Variants in DOP1B observed in about 807,000 individuals in gnomAD.
The protein encoded by DOP1B is protein DOP1B.
A neutral mutation model predicts 233.5 loss-of-function variants in DOP1B; 174 were observed. That is an observed-to-expected ratio of 0.75 (90% CI 0.66 to 0.85). The LOEUF (loss-of-function observed/expected upper bound fraction) is 0.85. DOP1B is among the 40% of genes least tolerant of loss of function. The probability of loss-of-function intolerance (pLI) is 0.00; values close to 1 mark genes in which losing one functional copy is unlikely to be tolerated. For missense variants in DOP1B, 2,652 were observed against 2,846.6 expected (o/e 0.93, Z 1.56); for synonymous variants, 1,190 against 1,185.6 (o/e 1.00, Z -0.08).
Position 36,171,917 on chromosome 21 carries a change from A to T in DOP1B, c.138+7046A>T, listed in dbSNP as rs2065974734. On this transcript the variant is annotated intron_variant, in intron 2 of 36. Transcript: ENST00000691173. ...GCTTTCTTGGCGAGAGACAGACGAC[A>T]GATGACTGTGTGATGTCAGATGCTG... Among the ~76,000 whole-genome samples the T allele has an allele frequency of 1.3e-5, 2 of 152,246 alleles. 1 individual carries two copies. The highest frequency in any genetic ancestry group is 4.1e-4 in the South Asian group (2 of 4,834).
Position 36,156,883 on chromosome 21 carries a change from C to A in DOP1B, c.-87C>A, listed in dbSNP as rs2065824334. 1 of 152,330 alleles carries A rather than the reference C, an allele frequency of 6.6e-6. No homozygotes were observed. The highest frequency in any genetic ancestry group is 2.0e-4 in the South Asian group (1 of 4,882). 9.4% of individuals were successfully genotyped at this position (152,330 alleles called of 1,614,324 possible). ...GCAGCCCTGCCCAGTCTCTCTCCCC[C>A]AGCCCGGAGGGCTCCTCCGCGCCGC... On this transcript the variant is annotated 5_prime_UTR_variant, in exon 1 of 37. Transcript: ENST00000691173.
intron 4 of DOP1B, among the ~76,000 whole-genome samples, chr21:36,206,089 A>C (rs181157298): frequency 6.6e-6 from 1 of 152,040 alleles, no homozygotes; most frequent in East Asian, 1.9e-4. Context: ...GATCATAGTA[A>C]CTCTTGTTGA....
chr21:36,212,420 T>C (rs569432957), intron 7 of DOP1B, among the ~76,000 whole-genome samples: 1 of 152,348 alleles, frequency 6.6e-6, no homozygotes, highest in African/African-American at 2.4e-5. Flanking sequence ...TATGGAGAAG[T>C]TCCATGGGAT....
At chr21:36,159,800 T>C (rs532142102) in intron 1 of DOP1B, among the ~76,000 whole-genome samples, 4 of 152,210 alleles carry the variant, frequency 2.6e-5, no homozygotes, top group Admixed American at 2.6e-4. Context: ...CCCACACCTC[T>C]GGACTTTGAG....
At chr21:36,190,505 C>T (rs974121742) in intron 2 of DOP1B, among the ~76,000 whole-genome samples, 1 of 151,838 alleles carries the variant, frequency 6.6e-6, no homozygotes, top group Non-Finnish European at 1.5e-5. Flanking sequence ...TCAAGTGATC[C>T]TCCCACCTCA....
chr21:36,266,423 C>T (rs1429094736), intron 26 of DOP1B, among the ~76,000 whole-genome samples: 8 of 152,176 alleles, frequency 5.3e-5, no homozygotes, highest in Non-Finnish European at 1.2e-4. Context: ...ATCCAGCCGC[C>T]TCAGCCTCCC....
intron 32 of DOP1B, among the ~76,000 whole-genome samples, chr21:36,283,387 A>G (rs1387648236): frequency 6.6e-6 from 1 of 151,810 alleles, no homozygotes; most frequent in East Asian, 1.9e-4. Context: ...CCAGCCGGAA[A>G]GATCTTGTTT....
Position 36,222,541 on chromosome 21 carries a change from G to T in DOP1B, c.1251-690G>T, listed in dbSNP as rs377269466. 3.2e-3 allele frequency among the ~76,000 whole-genome samples: 482 copies of T among 150,724 alleles called. 3 individuals are homozygous for T. Among genetic ancestry groups the T allele is most frequent in the African/African-American group, 0.011 (460 of 41,138 alleles). On this transcript the variant is annotated intron_variant, in intron 10 of 36. Coordinates refer to ENST00000691173, the MANE Select transcript of DOP1B (RefSeq NM_001320714.2). ...GCAGAGATTGCAGTGAGCCGAGATT[G>T]TACCACTGCACTCCAGCCTAGGAAA... is the stretch of plus-strand genomic sequence containing the variant.
intron 13 of DOP1B, among the ~76,000 whole-genome samples, 172 bp from the exon 14 acceptor site, chr21:36,230,275 CCTT>C (rs1248698248): frequency 5.9e-5 from 9 of 152,214 alleles, no homozygotes; most frequent in Non-Finnish European, 1.2e-4. Context: ...CCACCGCTCT[CCTT>C]CTCCTGCTTT....
chr21:36,227,884 A>G lies in DOP1B; in HGVS notation c.1665+7A>G. ...GTCCACCAGCGGAACCTCGGTGTGT[A>G]CTCTGAGGGGCAGAAATGGTTCTGG... On this transcript the variant is annotated splice_region_variant and intron_variant, in intron 13 of 36. Coordinates refer to ENST00000691173, the MANE Select transcript of DOP1B (RefSeq NM_001320714.2). The G allele has an allele frequency of 5.1e-6, 8 of 1,575,216 alleles. No homozygotes were observed. Among genetic ancestry groups the G allele is most frequent in the Non-Finnish European group, 6.1e-6 (7 of 1,156,294 alleles).
intron 2 of DOP1B, among the ~76,000 whole-genome samples, chr21:36,188,728 T>G (rs563176809): frequency 6.6e-6 from 1 of 152,356 alleles, no homozygotes; most frequent in Non-Finnish European, 1.5e-5. Flanking sequence ...TTAAATTGGC[T>G]GACTTACATT....
intron 16 of DOP1B, 42 bp from the exon 17 acceptor site, chr21:36,238,559 T>G: frequency 6.3e-7 from 1 of 1,585,574 alleles, no homozygotes; most frequent in African/African-American, 1.3e-5. Context: ...AGTGGTCAGT[T>G]ACAAAACCAA....
intron 5 of DOP1B, among the ~76,000 whole-genome samples, chr21:36,209,364 T>C (rs536800283): frequency 6.6e-6 from 1 of 152,264 alleles, no homozygotes; most frequent in African/African-American, 2.4e-5. Context: ...TGGCGGGTGA[T>C]CCACCCACCG....
rs575361515 is a variant in DOP1B, at chr21:36,199,735, C to A, written c.320+484C>A. 3.9e-5 allele frequency among the ~76,000 whole-genome samples: 6 copies of A among 152,280 alleles called. No individual in the cohort carries two copies. The East Asian group carries it at 1.2e-3, about 29-fold the overall frequency. ...GTTTGCTGAGAATGATGGTTTCCAG[C>A]TTCATCCATGTCCCTACAAAGGACA... On this transcript the variant is annotated intron_variant, in intron 3 of 36. Transcript: ENST00000691173.
At position 36,169,187 on chromosome 21, in the gene DOP1B, A is replaced by G. The variant is rs531982111; in HGVS notation, c.138+4316A>G. ...GGTTCCCACCACACAGCCTTTCAGCATAACAGAGTTATTGGTCACTTCACC... is the reference window on the plus strand; with the variant it reads ...GGTTCCCACCACACAGCCTTTCAGCGTAACAGAGTTATTGGTCACTTCACC... On this transcript the variant is annotated intron_variant, in intron 2 of 36. Transcript: ENST00000691173. 2.9e-4 allele frequency: 306 copies of G among 1,040,990 alleles called. 1 individual carries two copies. The highest frequency in any genetic ancestry group is 5.6e-4 in the Admixed American group (33 of 58,632). The allele number at this position is 1,040,990 out of a possible 1,614,324, so 64.5% of individuals were successfully genotyped here. A position where few individuals can be genotyped will look rare whatever the true frequency, so the allele number is the denominator to read the frequency against.
rs1373829002 is a variant in DOP1B at position 36,270,041 on chromosome 21, T to G, written c.5516T>G (p.Val1839Gly). Residue 1839 changes from valine (V) to glycine (G), a missense_variant, in exon 27 of 37, where the codon GTG becomes GGG. Coordinates refer to ENST00000691173, the MANE Select transcript of DOP1B (RefSeq NM_001320714.2). ...QEITQKILEA[V>G]GNIAGSSLEQ... Reference sequence around the variant, plus strand: ...ATCACTCAGAAAATCCTAGAAGCTGTGGGGAACATTGCCGGCTCTTCCTTG... The same window carrying G: ...ATCACTCAGAAAATCCTAGAAGCTGGGGGGAACATTGCCGGCTCTTCCTTG... 4 of 1,614,024 alleles carry G rather than the reference T, an allele frequency of 2.5e-6. No individual in the cohort carries two copies. In the Admixed American group the frequency reaches 6.7e-5, roughly 27 times the overall value.
intron 31 of DOP1B, among the ~76,000 whole-genome samples, chr21:36,281,211 G>A (rs1472203262): frequency 6.6e-6 from 1 of 152,138 alleles, no homozygotes; most frequent in African/African-American, 2.4e-5. Flanking sequence ...CAGGAGGATC[G>A]CTTGAACCCA....
At chr21:36,287,529 AAAG>A (rs1352570405) in intron 32 of DOP1B, among the ~76,000 whole-genome samples, 1 of 151,664 alleles carries the variant, frequency 6.6e-6, no homozygotes, top group Non-Finnish European at 1.5e-5. Flanking sequence ...TGTATTTCAC[AAAG>A]AAGAGGGCTG....
intron 9 of DOP1B, among the ~76,000 whole-genome samples, chr21:36,218,753 CG>C (rs930326859): frequency 2.6e-5 from 4 of 152,154 alleles, no homozygotes; most frequent in Non-Finnish European, 5.9e-5. Flanking sequence ...CTGAGGGTTG[CG>C]GTTTGCGGAG....
Sources: gnomAD v4.1 joint callset for allele counts (sites outside exome capture counted in the v4.1 genomes callset) on GRCh38, gnomAD v4.1.1 for gene constraint, MANE v1.5 for transcripts, NCBI Gene and HGNC (gene_info 2026-07-23, HGNC 2026-07-21) for gene names.